VSNL1: variants seen among roughly 807,000 people sequenced by gnomAD.
The protein encoded by VSNL1 is visinin-like protein 1.
Under a neutral mutation model 20.4 loss-of-function variants are expected in VSNL1, and 6 were observed. The ratio of observed to expected loss-of-function variants is 0.29; its 90% CI spans 0.16 to 0.58. The LOEUF (loss-of-function observed/expected upper bound fraction) is 0.58. Ranked by LOEUF, VSNL1 falls within the 20% of genes least tolerant of loss-of-function variation. VSNL1 has a pLI of 0.90. For synonymous variants in VSNL1, 93 were observed against 86.4 expected, an observed-to-expected ratio of 1.08 and a Z score of -0.42; for missense variants, 100 against 234.5, an observed-to-expected ratio of 0.43 and a Z score of 3.75.
At position 17,655,455 on chromosome 2, in the gene VSNL1, T is replaced by TCACACACACACACACA. The variant is rs3064980; in HGVS notation, c.*92_*107dup. 340 of 537,498 alleles carry TCACACACACACACACA rather than the reference T, an allele frequency of 6.3e-4. 2 individuals are homozygous for TCACACACACACACACA. Among genetic ancestry groups the TCACACACACACACACA allele is most frequent in the African/African-American group, 6.0e-3 (299 of 50,092 alleles). 33.3% of individuals were successfully genotyped at this position (537,498 alleles called of 1,614,324 possible). On this transcript the variant is annotated 3_prime_UTR_variant, in exon 4 of 4. Coordinates refer to ENST00000295156, the MANE Select transcript of VSNL1 (RefSeq NM_003385.5). The surrounding 1 kb of genome is among the most constrained non-coding windows in gnomAD (Gnocchi z 5.2). ...AATGTTCCATTCAGTCTGCAGCTAT[T>TCACACACACACACACA]CACACACACACACACACACACACAC...
In VSNL1 at chr2:17,605,110, A is replaced by G. The variant is rs898885792; in HGVS notation, c.162+12874A>G. On this transcript the variant is annotated intron_variant, in intron 2 of 3. Transcript: ENST00000295156. ...TCATTTTAGATTCTGCAGCTGCCCA[A>G]TGGCTCTTCATATCTACTTTACAAG... Among the ~76,000 whole-genome samples, 6 of 152,318 alleles carry G rather than the reference A, an allele frequency of 3.9e-5. No individual in the cohort carries two copies. The East Asian group carries it at 1.2e-3, about 29-fold the overall frequency.
chr2:17,606,572 T>C (rs1664949021), intron 2 of VSNL1, among the ~76,000 whole-genome samples: 1 of 152,042 alleles, frequency 6.6e-6, no homozygotes, highest in Admixed American at 6.5e-5. Context: ...GACTGTGAGG[T>C]TGGAGAAGCC....
At chr2:17,581,212 T>G (rs1277365339) in intron 1 of VSNL1, among the ~76,000 whole-genome samples, 2 of 152,212 alleles carry the variant, frequency 1.3e-5, no homozygotes, top group Non-Finnish European at 2.9e-5. Flanking sequence ...ATAAAGCCCT[T>G]CTTGTGTTTT....
At chr2:17,647,833 GCT>G (rs1033185484) in intron 2 of VSNL1, among the ~76,000 whole-genome samples, 1 of 152,080 alleles carries the variant, frequency 6.6e-6, no homozygotes, top group Non-Finnish European at 1.5e-5. Flanking sequence ...TCGAGGTATT[GCT>G]CTCTGAGTCC....
At chr2:17,627,768 T>C (rs1304677909) in intron 2 of VSNL1, among the ~76,000 whole-genome samples, 3 of 152,220 alleles carry the variant, frequency 2.0e-5, no homozygotes, top group Admixed American at 1.3e-4. Context: ...TTGAGGAAGT[T>C]GCAAATTTTA....
chr2:17,570,129 T>C (rs1456289705), intron 1 of VSNL1, among the ~76,000 whole-genome samples: 1 of 152,238 alleles, frequency 6.6e-6, no homozygotes, highest in Non-Finnish European at 1.5e-5. Flanking sequence ...AGTGAAGAGA[T>C]TGACCTCTTC....
At chr2:17,546,816 C>T (rs1572323305) in intron 1 of VSNL1, among the ~76,000 whole-genome samples, 1 of 151,988 alleles carries the variant, frequency 6.6e-6, no homozygotes, top group South Asian at 2.1e-4. Flanking sequence ...TTTGATGTTA[C>T]GAGTTAATGG....
At chr2:17,645,230 C>T (rs1271029047) in intron 2 of VSNL1, among the ~76,000 whole-genome samples, 1 of 152,246 alleles carries the variant, frequency 6.6e-6, no homozygotes, top group Non-Finnish European at 1.5e-5. Context: ...GCCTTGCTGC[C>T]ACCCCTCCTG....
At chr2:17,567,855 C>T (rs1663989355) in intron 1 of VSNL1, 1 of 152,060 alleles carries the variant, frequency 6.6e-6, no homozygotes, top group South Asian at 2.1e-4. Flanking sequence ...AAGGTCAATA[C>T]CTGTAATAGA....
chr2:17,571,478 T>G (rs1200493464), intron 1 of VSNL1, among the ~76,000 whole-genome samples: 2 of 152,210 alleles, frequency 1.3e-5, no homozygotes, highest in Non-Finnish European at 2.9e-5. Context: ...AGAGACAACC[T>G]CTTTGTATTA....
intron 1 of VSNL1, among the ~76,000 whole-genome samples, chr2:17,563,961 A>C (rs1442456341): frequency 2.0e-5 from 3 of 152,124 alleles, no homozygotes; most frequent in Non-Finnish European, 4.4e-5. Context: ...AGTCTTCTTA[A>C]AAATCAATTC....
intron 1 of VSNL1, among the ~76,000 whole-genome samples, chr2:17,549,961 A>C (rs958522544): frequency 5.9e-5 from 9 of 152,232 alleles, no homozygotes; most frequent in African/African-American, 2.2e-4. Flanking sequence ...TAGGCATCAC[A>C]CCTGTGCTTT....
intron 2 of VSNL1, among the ~76,000 whole-genome samples, chr2:17,638,712 C>T (rs1311701825): frequency 6.6e-6 from 1 of 152,214 alleles, no homozygotes; most frequent in East Asian, 1.9e-4. Flanking sequence ...GCAAACTCTC[C>T]AGAGATTTCC....
At chr2:17,585,395 A>G (rs1189980146) in intron 1 of VSNL1, among the ~76,000 whole-genome samples, 1 of 150,910 alleles carries the variant, frequency 6.6e-6, no homozygotes, top group Admixed American at 6.6e-5. Flanking sequence ...AAAAAAAAAA[A>G]ACATACAATA....
rs1268539032 is a variant in VSNL1 at position 17,551,372 on chromosome 2, A to G, written c.-6+10454A>G. 2.0e-5 allele frequency among the ~76,000 whole-genome samples: 3 copies of G among 152,242 alleles called. No individual in the cohort carries two copies. In the East Asian group the frequency reaches 5.8e-4, roughly 29 times the overall value. On this transcript the variant is annotated intron_variant, in intron 1 of 3. Coordinates refer to ENST00000295156, the MANE Select transcript of VSNL1 (RefSeq NM_003385.5). ...TGGAAATTTATATTTAAATTAGACT[A>G]AACTTTTTAATATCTAGAAACAACC...
chr2:17,541,584 G>C (rs1572319604), intron 1 of VSNL1: 2 of 152,158 alleles, frequency 1.3e-5, no homozygotes, highest in South Asian at 2.1e-4. Flanking sequence ...TCACAGGCTC[G>C]GTCGCTGAAT....
intron 1 of VSNL1, among the ~76,000 whole-genome samples, chr2:17,543,538 G>C (rs557676375): frequency 4.6e-5 from 7 of 152,294 alleles, no homozygotes; most frequent in Non-Finnish European, 8.8e-5. Flanking sequence ...CCAAATTAGA[G>C]ATGCCTGTCT....
At chr2:17,640,330 G>T (rs147946033) in intron 2 of VSNL1, among the ~76,000 whole-genome samples, 2 of 151,936 alleles carry the variant, frequency 1.3e-5, no homozygotes, top group African/African-American at 4.8e-5. Context: ...CCGAGACCAG[G>T]TCCCACATGT....
intron 1 of VSNL1, among the ~76,000 whole-genome samples, chr2:17,549,616 G>A (rs1047144933): frequency 6.6e-6 from 1 of 152,128 alleles, no homozygotes; most frequent in Admixed American, 6.5e-5. Flanking sequence ...ACCTATCAGC[G>A]TTTTGGAAAT....
Sources: gnomAD v4.1 joint callset for allele counts (sites outside exome capture counted in the v4.1 genomes callset) on GRCh38, gnomAD v4.1.1 for gene constraint, Gnocchi (gnomAD v3.1) non-coding constraint, MANE v1.5 for transcripts, NCBI Gene and HGNC (gene_info 2026-07-23, HGNC 2026-07-21) for gene names.